Variants in S100A13 observed in about 807,000 individuals in gnomAD.
S100A13 encodes S100 calcium binding protein A13.
In S100A13, 6 loss-of-function variants were observed where a neutral mutation model predicts 8.2. The ratio of observed to expected loss-of-function variants is 0.73; its 90% CI spans 0.40 to 1.44. S100A13 has a LOEUF of 1.44. Among genes scored for constraint, S100A13 ranks in the 40% most tolerant of loss-of-function variants. The pLI is 0.02. For missense variants in S100A13, 114 were observed against 113.6 expected, an observed-to-expected ratio of 1.00 and a Z score of -0.02; for synonymous variants, 39 against 45.9, an observed-to-expected ratio of 0.85 and a Z score of 0.61.
chr1:153,630,861 T>C, upstream of S100A13: 1 of 612,062 alleles, frequency 1.6e-6, no homozygotes, highest in Non-Finnish European at 2.8e-6. Flanking sequence ...ATTGATCACC[T>C]GTTAAGTGTT....
chr1:153,632,354 C>T (rs1319724978), upstream of S100A13: 2 of 150,042 alleles, frequency 1.3e-5, no homozygotes, highest in African/African-American at 5.0e-5. Flanking sequence ...TCACTGCAAC[C>T]TCCGCCTCCC....
chr1:153,624,653 G>A (rs1285852044), intron 2 of S100A13, among the ~76,000 whole-genome samples: 1 of 151,702 alleles, frequency 6.6e-6, no homozygotes, highest in Non-Finnish European at 1.5e-5. Context: ...AAAAGGAAAC[G>A]TCTGGCTGGG....
upstream of S100A13, chr1:153,628,919 G>A (rs1175548840): frequency 1.7e-5 from 3 of 174,978 alleles, no homozygotes; most frequent in Non-Finnish European, 3.7e-5. Context: ...TCTCCTGCCA[G>A]CCTTAGTCTC....
rs1444440452 is a variant in S100A13, at chr1:153,622,061, T to C, written c.154-3023A>G. On this transcript the variant is annotated intron_variant, in intron 2 of 2. Transcript: ENST00000476133. Reference sequence around the variant, plus strand: ...TGGTACAACTTTTTTAGGAGGCAAATTGGTAATCACAAAAATTAAAAATGA... The same window carrying C: ...TGGTACAACTTTTTTAGGAGGCAAACTGGTAATCACAAAAATTAAAAATGA... Among the ~76,000 whole-genome samples the C allele has an allele frequency of 4.6e-5, 7 of 151,214 alleles. No homozygotes were observed. The East Asian group carries it at 1.4e-3, about 29-fold the overall frequency.
intron 1 of S100A13, chr1:153,626,933 TGTCTCACCCA>T (rs1246730828): frequency 1.3e-5 from 2 of 156,208 alleles, no homozygotes; most frequent in East Asian, 3.7e-4. Context: ...AATCCCTTCT[TGTCTCACCCA>T]GACTCACAGG....
chr1:153,628,675 TGAGAGACAAATGAA>T, upstream of S100A13: 1 of 1,089,914 alleles, frequency 9.2e-7, no homozygotes, highest in Non-Finnish European at 1.3e-6. Flanking sequence ...AAGGTGGTGA[TGAGAGACAAATGAA>T]CTGAAGGTCG....
At chr1:153,625,180 A>G (rs78755276) in intron 2 of S100A13, among the ~76,000 whole-genome samples, 4,119 of 152,254 alleles carry the variant, frequency 0.027, 168 homozygotes, top group African/African-American at 0.095. Context: ...CAAGGATGCA[A>G]TGAGCTGTGA....
At chr1:153,628,271 GAAAGAGA>G, upstream of S100A13, 1 of 1,523,506 alleles carries the variant, frequency 6.6e-7, no homozygotes, top group Non-Finnish European at 8.8e-7. Flanking sequence ...GCAAGGCTGG[GAAAGAGA>G]CAAGGGCCGC....
upstream of S100A13, chr1:153,631,372 A>G: frequency 7.9e-7 from 1 of 1,268,130 alleles, no homozygotes; most frequent in Non-Finnish European, 1.1e-6. Flanking sequence ...CTTCTCTAGA[A>G]TGGAAATAAT....
intron 2 of S100A13, among the ~76,000 whole-genome samples, chr1:153,622,067 A>ATAT (rs34310629): frequency 0.027 from 4,089 of 152,148 alleles, 161 homozygotes; most frequent in African/African-American, 0.094. Flanking sequence ...CAAATTGGTA[A>ATAT]TCACAAAAAT....
chr1:153,622,037 G>A (rs982518523), intron 2 of S100A13, among the ~76,000 whole-genome samples: 2 of 151,810 alleles, frequency 1.3e-5, no homozygotes, highest in African/African-American at 4.8e-5. Flanking sequence ...CATATAAACT[G>A]GTACAACTTT....
At chr1:153,619,154 A>C (rs1571277809) in intron 2 of S100A13, 116 bp from the exon 3 acceptor site, 13 of 918,156 alleles carry the variant, frequency 1.4e-5, no homozygotes, top group East Asian at 2.4e-5. Flanking sequence ...GAGCAGTGGC[A>C]CCTGCCCCTT....
upstream of S100A13, chr1:153,628,430 C>T: frequency 6.4e-7 from 1 of 1,550,652 alleles, no homozygotes; most frequent in Non-Finnish European, 8.7e-7. Context: ...CACACAGCTC[C>T]AGCAGCCACA....
At chr1:153,628,195 G>C, upstream of S100A13, 1 of 1,550,060 alleles carries the variant, frequency 6.5e-7, no homozygotes, top group Non-Finnish European at 8.7e-7. Flanking sequence ...GTCCCTCCCA[G>C]GACCTCCTTC....
At chr1:153,622,607 T>C (rs1319632797) in intron 2 of S100A13, among the ~76,000 whole-genome samples, 1 of 151,292 alleles carries the variant, frequency 6.6e-6, no homozygotes, top group Non-Finnish European at 1.5e-5. Context: ...AGCCTAGGAG[T>C]TCAAGACCAG....
chr1:153,619,344 T>C (rs373604081), intron 2 of S100A13, among the ~76,000 whole-genome samples: 1 of 152,092 alleles, frequency 6.6e-6, no homozygotes, highest in African/African-American at 2.4e-5. Flanking sequence ...TGGAAAGAAA[T>C]CCACACAATC....
At chr1:153,628,391 G>A (rs758728783), upstream of S100A13, 25 of 1,549,408 alleles carry the variant, frequency 1.6e-5, no homozygotes, top group Non-Finnish European at 2.1e-5. Context: ...GGGGTCAGCG[G>A]GGGAGGGACT....
intron 2 of S100A13, among the ~76,000 whole-genome samples, chr1:153,619,590 G>A (rs984463447): frequency 1.3e-5 from 2 of 152,182 alleles, no homozygotes; most frequent in Non-Finnish European, 2.9e-5. Context: ...GGAGTATCTG[G>A]GTTTTTAGGG....
At position 153,626,404 on chromosome 1, in the gene S100A13, A is replaced by C. The variant is rs1667632402; in HGVS notation, c.69T>G (p.Phe23Leu). 1 of 1,614,174 alleles carries C rather than the reference A, an allele frequency of 6.2e-7. No homozygotes were observed. The highest frequency in any genetic ancestry group is 8.5e-7 in the Non-Finnish European group (1 of 1,180,026). The change falls in exon 2 of 3, where the codon TTT becomes TTG. Residue 23 changes from phenylalanine (F) to leucine (L), a missense_variant. Phe to Leu is a conservative substitution (Grantham distance 22). Coordinates refer to ENST00000476133, the MANE Select transcript of S100A13 (RefSeq NM_001024211.2). ...IETVVTTFFT[F>L]ARQEGRKDSL... ...TATCCTTCCGGCCCTCCTGCCTTGC[A>C]AAGGTGAAGAAGGTGGTGACCACGG...
Sources: allele counts gnomAD v4.1 joint callset (sites outside exome capture counted in the v4.1 genomes callset), GRCh38; gene constraint gnomAD v4.1.1; transcripts MANE v1.5; gene names NCBI Gene and HGNC (gene_info 2026-07-23, HGNC 2026-07-21).